RASSF3: variants seen among roughly 807,000 people sequenced by gnomAD.
RASSF3 encodes the protein ras association domain-containing protein 3.
In RASSF3, 19 loss-of-function variants were observed where a neutral mutation model predicts 19.9. That is an observed-to-expected ratio of 0.96 (90% confidence interval 0.67 to 1.40). RASSF3 has a LOEUF of 1.40. Among genes scored for constraint, RASSF3 ranks in the 40% most tolerant of loss-of-function variants. RASSF3 has a pLI of 0.00. For missense variants in RASSF3, 306 were observed against 289.8 expected (o/e 1.06, Z -0.41); for synonymous variants, 110 against 104.2 (o/e 1.06, Z -0.34).
intron 2 of RASSF3, among the ~76,000 whole-genome samples, chr12:64,594,157 A>C (rs1458863415): frequency 6.6e-6 from 1 of 152,034 alleles, no homozygotes; most frequent in Non-Finnish European, 1.5e-5. Context: ...ACGTAGTGAG[A>C]CCCCATCTCT....
At chr12:64,618,743 A>C (rs1287930716) in intron 1 of RASSF3, among the ~76,000 whole-genome samples, 1 of 152,200 alleles carries the variant, frequency 6.6e-6, no homozygotes, top group East Asian at 1.9e-4. Flanking sequence ...CTTAAGTAAC[A>C]AATCAGAAAA....
chr12:64,593,705 T>C (rs1175446380), intron 2 of RASSF3, among the ~76,000 whole-genome samples: 1 of 152,136 alleles, frequency 6.6e-6, no homozygotes, highest in East Asian at 1.9e-4. Context: ...TAAAGGAACC[T>C]CTAAGGTAAA....
chr12:64,608,014 C>T (rs1473365616), upstream of RASSF3, among the ~76,000 whole-genome samples: 4 of 152,050 alleles, frequency 2.6e-5, no homozygotes, highest in Admixed American at 2.0e-4. Context: ...AGCAATCCTC[C>T]CACCTCGGCC....
At chr12:64,647,418 T>TTA (rs1469801763) in intron 1 of RASSF3, among the ~76,000 whole-genome samples, 1 of 150,338 alleles carries the variant, frequency 6.7e-6, no homozygotes, top group Non-Finnish European at 1.5e-5. Flanking sequence ...TTTTCTTTTT[T>TTA]TTTTTTTGGT....
intron 1 of RASSF3, among the ~76,000 whole-genome samples, chr12:64,631,039 A>G (rs1871152200): frequency 6.6e-6 from 1 of 152,222 alleles, no homozygotes; most frequent in Non-Finnish European, 1.5e-5. Flanking sequence ...AGAGAGCTTC[A>G]GGATTCGTTG....
chr12:64,607,490 C>T (rs1870214745), upstream of RASSF3, among the ~76,000 whole-genome samples: 1 of 151,758 alleles, frequency 6.6e-6, no homozygotes, highest in African/African-American at 2.4e-5. Context: ...CTGCCTCAGC[C>T]TCCCGAATAG....
intron 4 of RASSF3, among the ~76,000 whole-genome samples, chr12:64,694,413 G>A (rs940457264): frequency 3.9e-5 from 6 of 152,184 alleles, no homozygotes; most frequent in African/African-American, 1.4e-4. Context: ...ATGAGGACTC[G>A]AGGTTAAGAT....
At chr12:64,627,419 C>T (rs1592429712) in intron 1 of RASSF3, among the ~76,000 whole-genome samples, 1 of 152,196 alleles carries the variant, frequency 6.6e-6, no homozygotes, top group East Asian at 1.9e-4. Context: ...TTTTAGCTTA[C>T]TGTTGGATGC....
chr12:64,624,815 C>T (rs997840409), intron 1 of RASSF3, among the ~76,000 whole-genome samples: 1 of 151,874 alleles, frequency 6.6e-6, no homozygotes, highest in African/African-American at 2.4e-5. Context: ...CCTACCACCA[C>T]CCCCGGGTAA....
intron 1 of RASSF3, among the ~76,000 whole-genome samples, chr12:64,640,051 G>C (rs75315508): frequency 0.016 from 2,383 of 152,322 alleles, 67 homozygotes; most frequent in African/African-American, 0.055. Context: ...AGGCCTCAGA[G>C]GGTCTTTTAT....
intron 1 of RASSF3, among the ~76,000 whole-genome samples, chr12:64,511,318 C>T (rs540257935): frequency 6.6e-6 from 1 of 152,086 alleles, no homozygotes; most frequent in African/African-American, 2.4e-5. Flanking sequence ...CCCGTCTCTA[C>T]TAAAAATATA....
chr12:64,571,959 A>T (rs907932151), intron 2 of RASSF3, among the ~76,000 whole-genome samples: 1 of 152,154 alleles, frequency 6.6e-6, no homozygotes, highest in African/African-American at 2.4e-5. Flanking sequence ...TAGCTGGAGG[A>T]CAAAGGGCCT....
intron 2 of RASSF3, among the ~76,000 whole-genome samples, chr12:64,553,856 A>C (rs1869206338): frequency 6.6e-6 from 1 of 152,026 alleles, no homozygotes. Context: ...ATGTACTTGT[A>C]ATCTTAGCAA....
At chr12:64,537,070 T>C (rs1868843140) in intron 1 of RASSF3, among the ~76,000 whole-genome samples, 1 of 152,224 alleles carries the variant, frequency 6.6e-6, no homozygotes. Flanking sequence ...GACCAATTGT[T>C]TTCTTGAAGC....
chr12:64,637,139 C>T (rs1871352855), intron 1 of RASSF3, among the ~76,000 whole-genome samples: 1 of 152,086 alleles, frequency 6.6e-6, no homozygotes, highest in East Asian at 1.9e-4. Context: ...TTTAAGGAAG[C>T]CCACAGTGAT....
At chr12:64,689,457 C>G (rs188371145) in intron 3 of RASSF3, among the ~76,000 whole-genome samples, 1 of 152,216 alleles carries the variant, frequency 6.6e-6, no homozygotes, top group Non-Finnish European at 1.5e-5. Flanking sequence ...GGGTTCCTAC[C>G]TTCAGAGGTC....
intron 2 of RASSF3, among the ~76,000 whole-genome samples, chr12:64,600,568 T>G (rs1870075011): frequency 6.6e-6 from 1 of 151,988 alleles, no homozygotes; most frequent in African/African-American, 2.4e-5. Flanking sequence ...TTGGATTTTG[T>G]TTTTTTTCTT....
intron 1 of RASSF3, among the ~76,000 whole-genome samples, chr12:64,510,817 C>T (rs1051298580): frequency 6.6e-5 from 10 of 152,106 alleles, no homozygotes; most frequent in African/African-American, 2.4e-4. Context: ...AGTTGAGGAA[C>T]CCAAGCTATA....
chr12:64,511,472 ACT>A (rs1176166175), intron 1 of RASSF3, among the ~76,000 whole-genome samples: 4 of 144,504 alleles, frequency 2.8e-5, no homozygotes, highest in African/African-American at 1.1e-4. Context: ...ATAGAGCAAG[ACT>A]CTGTCTCAAA....
Sources: allele counts gnomAD v4.1 joint callset (sites outside exome capture counted in the v4.1 genomes callset), GRCh38; gene constraint gnomAD v4.1.1; transcripts MANE v1.5; gene names NCBI Gene and HGNC (gene_info 2026-07-23, HGNC 2026-07-21).